Variants in ZNF423 observed in about 807,000 individuals in gnomAD.
ZNF423 encodes Ebf-associated zinc finger protein.
A neutral mutation model predicts 95.8 loss-of-function variants in ZNF423; 12 were observed. That is an observed-to-expected ratio of 0.13 (90% CI 0.08 to 0.20). The LOEUF (loss-of-function observed/expected upper bound fraction) is 0.20, where lower values mean the gene tolerates loss of function less well. Among genes scored for constraint, ZNF423 ranks in the 10% least tolerant of loss-of-function variants. ZNF423 has a pLI of 1.00. For missense variants in ZNF423, 1,316 were observed against 1,737.1 expected (o/e 0.76, Z 4.31); for synonymous variants, 749 against 711.9 (o/e 1.05, Z -0.83).
chr16:49,786,064 C>T (rs1040247514), intron 2 of ZNF423, among the ~76,000 whole-genome samples: 1 of 152,242 alleles, frequency 6.6e-6, no homozygotes, highest in Non-Finnish European at 1.5e-5. Flanking sequence ...AGATGAAGTG[C>T]TCCTTCCCCT....
At chr16:49,510,908 C>T (rs12924568) in intron 7 of ZNF423, among the ~76,000 whole-genome samples, 59,814 of 152,158 alleles carry the variant, frequency 0.39, 11,985 homozygotes, top group African/African-American at 0.46. Context: ...GCCCATCTGT[C>T]GAGATGGCAT....
At chr16:49,574,867 G>A (rs1970449161) in intron 5 of ZNF423, among the ~76,000 whole-genome samples, 2 of 152,208 alleles carry the variant, frequency 1.3e-5, no homozygotes, top group Admixed American at 1.3e-4. Context: ...CATTTTAATA[G>A]TCTCATAACT....
At chr16:49,645,019 C>T (rs1973123820) in intron 3 of ZNF423, among the ~76,000 whole-genome samples, 1 of 152,188 alleles carries the variant, frequency 6.6e-6, no homozygotes, top group African/African-American at 2.4e-5. Flanking sequence ...TAAAGATCAC[C>T]TTGTACAATA....
At chr16:49,765,194 A>G (rs2033908048) in intron 2 of ZNF423, among the ~76,000 whole-genome samples, 1 of 152,160 alleles carries the variant, frequency 6.6e-6, no homozygotes, top group African/African-American at 2.4e-5. Context: ...TTATTAAGTG[A>G]AAGAAAAAAC....
intron 3 of ZNF423, among the ~76,000 whole-genome samples, chr16:49,718,927 A>C (rs1023313134): frequency 1.3e-5 from 2 of 152,308 alleles, no homozygotes; most frequent in African/African-American, 4.8e-5. Flanking sequence ...AGCCAGTTAT[A>C]ATAAAGGACT....
At chr16:49,660,083 G>A (rs62031926) in intron 3 of ZNF423, among the ~76,000 whole-genome samples, 1 of 152,200 alleles carries the variant, frequency 6.6e-6, no homozygotes, top group Non-Finnish European at 1.5e-5. Context: ...ATGTGATTAA[G>A]GTTTCCTCAC....
chr16:49,562,684 T>C (rs1018319539), intron 5 of ZNF423, among the ~76,000 whole-genome samples: 12 of 152,234 alleles, frequency 7.9e-5, no homozygotes, highest in African/African-American at 1.4e-4. Context: ...ACCAGATGAT[T>C]TGAGGTTCTA....
intron 3 of ZNF423, among the ~76,000 whole-genome samples, chr16:49,661,554 C>T (rs2151914883): frequency 1.3e-5 from 2 of 152,346 alleles, no homozygotes; most frequent in South Asian, 4.1e-4. Context: ...TCCTTCCCAG[C>T]CTGGGCTTCC....
At chr16:49,497,966 T>C (rs1363392008) in intron 7 of ZNF423, among the ~76,000 whole-genome samples, 1 of 152,220 alleles carries the variant, frequency 6.6e-6, no homozygotes, top group African/African-American at 2.4e-5. Flanking sequence ...TAGGAGATGC[T>C]TAAGGAAGAA....
chr16:49,617,025 G>C (rs1017651043), intron 5 of ZNF423, among the ~76,000 whole-genome samples: 5 of 152,148 alleles, frequency 3.3e-5, no homozygotes, highest in Non-Finnish European at 7.3e-5. Flanking sequence ...TGCACTGTTT[G>C]TGCTGCCCCT....
At chr16:49,847,181 C>G (rs990228925) in intron 1 of ZNF423, 2 of 152,232 alleles carry the variant, frequency 1.3e-5, no homozygotes, top group Non-Finnish European at 2.9e-5. Context: ...CCAAGCACCT[C>G]CAAGGAGCGA....
At chr16:49,531,525 G>A (rs76131523) in intron 5 of ZNF423, among the ~76,000 whole-genome samples, 11,585 of 152,046 alleles carry the variant, frequency 0.076, 549 homozygotes, top group South Asian at 0.2. Context: ...TGAGCTGTGG[G>A]AGACTCTGTC....
chr16:49,491,482 G>A (rs1363041511), intron 7 of ZNF423, among the ~76,000 whole-genome samples, 178 bp from the exon 8 acceptor site: 1 of 151,760 alleles, frequency 6.6e-6, no homozygotes, highest in Non-Finnish European at 1.5e-5. Context: ...ACGTTGATTT[G>A]GGGCTTGGGG....
intron 3 of ZNF423, among the ~76,000 whole-genome samples, chr16:49,702,708 G>T (rs2032223018): frequency 6.6e-6 from 1 of 152,260 alleles, no homozygotes. Flanking sequence ...CGAGGAATTA[G>T]CTGCCTAGGT....
chr16:49,571,675 GA>G (rs1473944588), intron 5 of ZNF423, among the ~76,000 whole-genome samples: 10 of 152,180 alleles, frequency 6.6e-5, no homozygotes, highest in Non-Finnish European at 1.2e-4. Context: ...GTTCACCATA[GA>G]GAACAGATGA....
At chr16:49,653,193 C>T (rs1973478845) in intron 3 of ZNF423, among the ~76,000 whole-genome samples, 1 of 151,472 alleles carries the variant, frequency 6.6e-6, no homozygotes, top group Admixed American at 6.6e-5. Context: ...CCCTGCTGCC[C>T]AGACAGAGAA....
chr16:49,722,241 A>G (rs2143277445), intron 3 of ZNF423, among the ~76,000 whole-genome samples: 1 of 152,340 alleles, frequency 6.6e-6, no homozygotes, highest in South Asian at 2.1e-4. Flanking sequence ...CCAGCCAAGC[A>G]GACCCAGGCT....
At chr16:49,783,778 T>A (rs1172393230) in intron 2 of ZNF423, among the ~76,000 whole-genome samples, 2 of 152,004 alleles carry the variant, frequency 1.3e-5, no homozygotes, top group African/African-American at 4.8e-5. Context: ...GAGATCATCC[T>A]GGCCAACATG....
rs117544879 is a variant in ZNF423, at chr16:49,717,885, G to A, written c.301+12886C>T. 4.8e-3 allele frequency among the ~76,000 whole-genome samples: 729 copies of A among 152,228 alleles called. 2 individuals are homozygous for A. Among genetic ancestry groups the A allele is most frequent in the Middle Eastern group, 0.017 (5 of 294 alleles). ...GTAAATAACCCTTTGGCAGTGAACC[G>A]GCTCCTGTTCTTCATTTCCACACCA... On this transcript the variant is annotated intron_variant, in intron 3 of 7. Transcript: ENST00000563137.
Sources: allele counts gnomAD v4.1 joint callset (sites outside exome capture counted in the v4.1 genomes callset), GRCh38; gene constraint gnomAD v4.1.1; transcripts MANE v1.5; gene names NCBI Gene and HGNC (gene_info 2026-07-23, HGNC 2026-07-21).